The following FHIT variants were observed in gnomAD, a reference collection of about 807,000 sequenced individuals.
FHIT encodes bis(5'-adenosyl)-triphosphatase.
Under a neutral mutation model 17.9 loss-of-function variants are expected in FHIT, and 19 were observed. The observed-to-expected ratio is 1.06, with a 90% CI of 0.74 to 1.56. The LOEUF (loss-of-function observed/expected upper bound fraction) is 1.56. Ranked by LOEUF, FHIT falls within the 40% of genes most tolerant of loss-of-function variation. The probability of loss-of-function intolerance (pLI) is 0.00; values close to 1 mark genes in which losing one functional copy is unlikely to be tolerated. For missense variants in FHIT, 248 were observed against 189.2 expected (o/e 1.31, Z -1.82); for synonymous variants, 81 against 69.7 (o/e 1.16, Z -0.81).
At position 60,393,657 on chromosome 3, in the gene FHIT, T is replaced by G. The variant is rs377299972; in HGVS notation, c.103+143203A>C. Among the ~76,000 whole-genome samples the G allele has an allele frequency of 5.9e-5, 9 of 152,208 alleles. 1 individual carries two copies. Among genetic ancestry groups the G allele is most frequent in the South Asian group, 4.2e-4 (2 of 4,818 alleles). ...TGGCTGCTCTCCATCATATTTTATT[T>G]CTTCCTACGTTTTTTTTATTTAAAT... On this transcript the variant is annotated intron_variant, in intron 5 of 9. Transcript: ENST00000492590.
At chr3:60,725,452 T>C (rs2041898546) in intron 4 of FHIT, among the ~76,000 whole-genome samples, 1 of 152,184 alleles carries the variant, frequency 6.6e-6, no homozygotes, top group Non-Finnish European at 1.5e-5. Context: ...TACTTTAAGG[T>C]AATTTTTGTA....
At chr3:60,718,189 G>C (rs1553707240) in intron 4 of FHIT, among the ~76,000 whole-genome samples, 1 of 152,094 alleles carries the variant, frequency 6.6e-6, no homozygotes, top group African/African-American at 2.4e-5. Context: ...GATTCTTCAA[G>C]AGAAAAGACA....
intron 3 of FHIT, among the ~76,000 whole-genome samples, chr3:61,028,284 T>C (rs1206508999): frequency 1.3e-5 from 2 of 152,168 alleles, no homozygotes; most frequent in Non-Finnish European, 2.9e-5. Context: ...TATGGAGACA[T>C]ACAAAGAAGT....
At chr3:61,010,871 T>C (rs2031750283) in intron 3 of FHIT, among the ~76,000 whole-genome samples, 1 of 152,056 alleles carries the variant, frequency 6.6e-6, no homozygotes, top group South Asian at 2.1e-4. Flanking sequence ...AAAGTAAGAG[T>C]CAGAAAAAAT....
chr3:61,184,539 G>C (rs2038446093), intron 2 of FHIT, among the ~76,000 whole-genome samples: 2 of 152,048 alleles, frequency 1.3e-5, no homozygotes, highest in Non-Finnish European at 2.9e-5. Flanking sequence ...GCGGATGTCT[G>C]TGAACAAATA....
At chr3:59,975,306 TTA>T (rs1466374924) in intron 7 of FHIT, among the ~76,000 whole-genome samples, 1 of 152,052 alleles carries the variant, frequency 6.6e-6, no homozygotes, top group African/African-American at 2.4e-5. Flanking sequence ...TATGAAGTGT[TTA>T]TCTTGGGCAA....
chr3:61,232,016 A>AG (rs1372733113), intron 1 of FHIT, among the ~76,000 whole-genome samples: 1 of 152,172 alleles, frequency 6.6e-6, no homozygotes, highest in African/African-American at 2.4e-5. Context: ...AAAAGGAGTG[A>AG]GAAAAAAAAA....
rs535736285 is a variant in FHIT, at chr3:60,277,928, A to G, written c.103+258932T>C. On this transcript the variant is annotated intron_variant, in intron 5 of 9. Coordinates refer to ENST00000492590, the MANE Select transcript of FHIT (RefSeq NM_002012.4). ...GAAAAATATTTACGACAAGGAAAAA[A>G]GATGAACCAACTGGAAATTAATGAC... 2.2e-4 allele frequency among the ~76,000 whole-genome samples: 33 copies of G among 152,344 alleles called. 1 individual carries two copies. In the South Asian group the frequency reaches 5.2e-3, roughly 24 times the overall value.
intron 8 of FHIT, among the ~76,000 whole-genome samples, chr3:59,887,277 G>A (rs929168380): frequency 2.0e-5 from 3 of 152,104 alleles, no homozygotes; most frequent in Admixed American, 2.0e-4. Flanking sequence ...CTTTCCCATG[G>A]CCCATCTCTG....
intron 4 of FHIT, among the ~76,000 whole-genome samples, chr3:60,625,448 A>G (rs1289546606): frequency 3.3e-5 from 5 of 152,148 alleles, no homozygotes; most frequent in Non-Finnish European, 7.3e-5. Context: ...TTTCAATTAT[A>G]GCCATCCTAT....
chr3:60,905,842 G>A (rs1464326924), intron 3 of FHIT, among the ~76,000 whole-genome samples: 1 of 152,170 alleles, frequency 6.6e-6, no homozygotes, highest in Non-Finnish European at 1.5e-5. Flanking sequence ...CAAAGAGCGT[G>A]AGTAAAAATG....
rs147117675 is a variant in FHIT at position 61,179,345 on chromosome 3, C to T, written c.-164+21272G>A. On this transcript the variant is annotated intron_variant, in intron 2 of 9. Transcript: ENST00000492590. ...TTTCTTAAACACAAAAAGATCATTC[C>T]GAATTTCACAAACAATGTTGAGCAA... 5.9e-5 allele frequency among the ~76,000 whole-genome samples: 9 copies of T among 152,064 alleles called. No individual in the cohort carries two copies. In the East Asian group the frequency reaches 9.7e-4, roughly 16 times the overall value.
intron 5 of FHIT, among the ~76,000 whole-genome samples, chr3:60,435,768 T>A (rs1559910757): frequency 6.6e-6 from 1 of 152,134 alleles, no homozygotes. Context: ...TTAAGCCTAG[T>A]ACTCATTAGT....
At chr3:61,199,056 T>C (rs1005732414) in intron 2 of FHIT, among the ~76,000 whole-genome samples, 5 of 152,062 alleles carry the variant, frequency 3.3e-5, no homozygotes, top group African/African-American at 1.2e-4. Flanking sequence ...CCAAAAACAG[T>C]ATTATCCCCA....
At chr3:61,225,904 G>A (rs1287887405) in intron 1 of FHIT, among the ~76,000 whole-genome samples, 1 of 152,164 alleles carries the variant, frequency 6.6e-6, no homozygotes, top group African/African-American at 2.4e-5. Flanking sequence ...AAGGTAAAGT[G>A]TCATTGATAC....
At chr3:59,956,968 T>C (rs975527592) in intron 7 of FHIT, among the ~76,000 whole-genome samples, 2 of 152,214 alleles carry the variant, frequency 1.3e-5, no homozygotes, top group Non-Finnish European at 2.9e-5. Context: ...TCATCAAATA[T>C]TGATTTTGAG....
At chr3:60,174,128 T>A (rs1701560646) in intron 5 of FHIT, among the ~76,000 whole-genome samples, 1 of 151,244 alleles carries the variant, frequency 6.6e-6, no homozygotes, top group Admixed American at 6.6e-5. Flanking sequence ...GCCAGGATGG[T>A]CTCCATCTCT....
intron 4 of FHIT, among the ~76,000 whole-genome samples, chr3:60,543,671 A>G (rs1028488138): frequency 2.0e-5 from 3 of 152,148 alleles, no homozygotes; most frequent in African/African-American, 7.2e-5. Flanking sequence ...TGATTTTTCT[A>G]CGTTCTTATA....
chr3:59,928,143 A>G (rs1470290795), intron 7 of FHIT, among the ~76,000 whole-genome samples: 1 of 152,208 alleles, frequency 6.6e-6, no homozygotes, highest in African/African-American at 2.4e-5. Flanking sequence ...ACATGTGCCA[A>G]TGAGCAACTG....
Sources: allele counts gnomAD v4.1 joint callset (sites outside exome capture counted in the v4.1 genomes callset), GRCh38; gene constraint gnomAD v4.1.1; transcripts MANE v1.5; gene names NCBI Gene and HGNC (gene_info 2026-07-23, HGNC 2026-07-21).